The following SPDL1 variants were observed in gnomAD, a reference collection of about 807,000 sequenced individuals.
SPDL1 encodes the protein spindle apparatus coiled-coil protein 1, also known as protein Spindly.
Under a neutral mutation model 79.5 loss-of-function variants are expected in SPDL1, and 85 were observed. The ratio of observed to expected loss-of-function variants is 1.07; its 90% CI spans 0.90 to 1.28. The LOEUF is 1.28. SPDL1 is among the 50% of genes most tolerant of loss of function. The probability of loss-of-function intolerance (pLI) is 0.00; values close to 1 mark genes in which losing one functional copy is unlikely to be tolerated. For synonymous variants in SPDL1, 269 were observed against 240.3 expected (o/e 1.12, Z -1.10); for missense variants, 703 against 697.8 (o/e 1.01, Z -0.08).
chr5:169,583,924 GA>G (rs1432968377), intron 1 of SPDL1, 35 bp downstream of exon 1: 1 of 152,490 alleles, frequency 6.6e-6, no homozygotes, highest in Admixed American at 6.5e-5. Context: ...GGTGGGTGTG[GA>G]GAGCGGCAGT....
chr5:169,590,930 A>T, intron 2 of SPDL1, 118 bp from the exon 3 acceptor site: 4 of 909,592 alleles, frequency 4.4e-6, no homozygotes, highest in Non-Finnish European at 7.0e-6. Flanking sequence ...TGTCTTCGTT[A>T]TTTGGAAAGC....
At position 169,600,631 on chromosome 5, in the gene SPDL1, A is replaced by C. The variant is rs183383497; in HGVS notation, c.1325-649A>C. On this transcript the variant is annotated intron_variant, in intron 10 of 11. Coordinates refer to ENST00000265295, the MANE Select transcript of SPDL1 (RefSeq NM_017785.5). ...CAGTGGCTGTGTTTATGACCTGTTTAGATAGAATGATATTAGGCCATGAGG... is the reference window on the plus strand; with the variant it reads ...CAGTGGCTGTGTTTATGACCTGTTTCGATAGAATGATATTAGGCCATGAGG... 2.0e-3 allele frequency among the ~76,000 whole-genome samples: 302 copies of C among 152,336 alleles called. 4 individuals carry two copies. The highest frequency in any genetic ancestry group is 7.1e-3 in the African/African-American group (294 of 41,576).
In SPDL1 at chr5:169,604,329, ATTTT is replaced by A; in HGVS notation, c.*123_*126del. ...TTTACTCATTGTGCCAGGACCTGGC[ATTTT>A]CATGTGCCTTTGACCAAGTGTTCAG... On this transcript the variant is annotated 3_prime_UTR_variant, in exon 12 of 12. Coordinates refer to ENST00000265295, the MANE Select transcript of SPDL1 (RefSeq NM_017785.5). The A allele has an allele frequency of 3.0e-6, 3 of 1,004,062 alleles. No homozygotes were observed. The highest frequency in any genetic ancestry group is 2.7e-5 in the South Asian group (1 of 37,654). 62.2% of individuals were successfully genotyped at this position (1,004,062 alleles called of 1,614,324 possible). A position where few individuals can be genotyped will look rare whatever the true frequency, so the allele number is the denominator to read the frequency against.
chr5:169,603,280 T>C, intron 11 of SPDL1, among the ~76,000 whole-genome samples: 2 of 152,236 alleles, frequency 1.3e-5, no homozygotes, highest in Non-Finnish European at 2.9e-5. Context: ...GTGTTCTTGT[T>C]ACCGAGAATC....
At chr5:169,592,835 CAA>C (rs1397058906) in intron 3 of SPDL1, among the ~76,000 whole-genome samples, 60 of 118,232 alleles carry the variant, frequency 5.1e-4, no homozygotes, top group African/African-American at 1.9e-3. Context: ...TTTGGTGGAG[CAA>C]AGAGTACATT....
intron 1 of SPDL1, among the ~76,000 whole-genome samples, chr5:169,587,796 C>T (rs1185183143): frequency 6.6e-6 from 1 of 152,112 alleles, no homozygotes; most frequent in African/African-American, 2.4e-5. Context: ...ATGATCATAA[C>T]TCACTGAAGC....
chr5:169,601,864 A>T lies in SPDL1; in HGVS notation c.1670+239A>T, dbSNP rs776147543. ...TTAAAAAGTTACACGTTTCTGTTTCATGAAAGGGAATATCACAGTTTAACA... is the reference window on the plus strand; with the variant it reads ...TTAAAAAGTTACACGTTTCTGTTTCTTGAAAGGGAATATCACAGTTTAACA... On this transcript the variant is annotated intron_variant, in intron 11 of 11. Coordinates refer to ENST00000265295, the MANE Select transcript of SPDL1 (RefSeq NM_017785.5). 33 of 581,246 alleles carry T rather than the reference A, an allele frequency of 5.7e-5. 1 individual carries two copies. Among genetic ancestry groups the T allele is most frequent in the South Asian group, 5.7e-4 (30 of 53,010 alleles). 36.0% of individuals were successfully genotyped at this position (581,246 alleles called of 1,614,324 possible).
At chr5:169,591,369 A>T (rs1691755256) in intron 3 of SPDL1, 145 bp downstream of exon 3, 2 of 712,034 alleles carry the variant, frequency 2.8e-6, no homozygotes, top group African/African-American at 3.6e-5. Flanking sequence ...TGGGGGTGGG[A>T]ACACTGAGAT....
chr5:169,601,643 C>T lies in SPDL1; in HGVS notation c.1670+18C>T, dbSNP rs77348727. 2,426 of 1,608,436 alleles carry T rather than the reference C, an allele frequency of 1.5e-3. 25 individuals are homozygous for T. In the African/African-American group the frequency reaches 0.025, roughly 17 times the overall value. On this transcript the variant is annotated intron_variant, in intron 11 of 11. Transcript: ENST00000265295. ...TCTCCCAGGTCAGTGTCCTCTTTTC[C>T]TCCAGGCAGCCAGCAGACCTCTCCA... is the stretch of plus-strand genomic sequence containing the variant.
rs1182291963 is a variant in SPDL1, at chr5:169,596,582, C to T, written c.913C>T (p.Gln305Ter). The T allele has an allele frequency of 1.9e-6, 3 of 1,611,114 alleles. No homozygotes were observed. The highest frequency in any genetic ancestry group is 8.5e-7 in the Non-Finnish European group (1 of 1,178,996). ...CTAGTTACAAATTGCCACGTTGCTA[C>T]AGATGAAAGGGTCTCAAACTGAATT... is the stretch of plus-strand genomic sequence containing the variant. Reference protein sequence around the residue: ...RMKLQIATLLQMKGSQTEFEQ... With the variant: ...RMKLQIATLL Residue 305 changes from glutamine to a stop codon, truncating the protein, a stop_gained, in exon 8 of 12, where the codon CAG becomes TAG. Coordinates refer to ENST00000265295, the MANE Select transcript of SPDL1 (RefSeq NM_017785.5). LOFTEE classifies it high-confidence loss of function.
chr5:169,600,957 C>T (rs1581318418), intron 10 of SPDL1, among the ~76,000 whole-genome samples: 1 of 152,296 alleles, frequency 6.6e-6, no homozygotes, highest in African/African-American at 2.4e-5. Context: ...GACTCTGCCG[C>T]TGTCTCTTCA....
intron 9 of SPDL1, 120 bp from the exon 10 acceptor site, chr5:169,598,852 A>G (rs1277515968): frequency 7.5e-7 from 1 of 1,330,578 alleles, no homozygotes; most frequent in Non-Finnish European, 9.9e-7. Flanking sequence ...CTTTGTTACT[A>G]AAAACCCCAG....
intron 1 of SPDL1, among the ~76,000 whole-genome samples, chr5:169,585,102 C>A (rs974681774): frequency 6.6e-6 from 1 of 152,134 alleles, no homozygotes. Flanking sequence ...GGCTATCTCT[C>A]TTTGTAGATT....
rs752220237 is a variant in SPDL1 at position 169,601,563 on chromosome 5, A to G, written c.1608A>G (p.Ile536Met). ...AGGAAAAGAAATGTGTGAAACTCAT[A>G]GGAGTTCCCGCTGACGCTGAGGCCT... The part of the protein sequence containing the change: ...LKKEKKCVKL[I>M]GVPADAEALS... Residue 536 changes from isoleucine to methionine, a missense_variant, in exon 11 of 12, where the codon ATA becomes ATG. Physicochemically the swap from Ile to Met is conservative, Grantham distance 10. Coordinates refer to ENST00000265295, the MANE Select transcript of SPDL1 (RefSeq NM_017785.5). 3.1e-6 allele frequency: 5 copies of G among 1,614,242 alleles called. No homozygotes were observed. The highest frequency in any genetic ancestry group is 4.2e-6 in the Non-Finnish European group (5 of 1,180,042).
intron 10 of SPDL1, among the ~76,000 whole-genome samples, chr5:169,600,748 T>G (rs969844478): frequency 6.6e-6 from 1 of 152,178 alleles, no homozygotes; most frequent in Non-Finnish European, 1.5e-5. Flanking sequence ...TGCTTATATT[T>G]TGTAGGTAGA....
At chr5:169,587,160 C>G (rs1755028642) in intron 1 of SPDL1, 1 of 152,122 alleles carries the variant, frequency 6.6e-6, no homozygotes, top group Admixed American at 6.5e-5. Flanking sequence ...TATTAATATT[C>G]TGTTACTTAC....
rs1755756494 is a variant in SPDL1, at chr5:169,599,148, A to G, written c.1313A>G (p.Tyr438Cys). Reference sequence around the variant, plus strand: ...AAACTAGATGAATTGAAACTAAAATATGAACCTGAAGGTATATATGTCTCA... The same window carrying G: ...AAACTAGATGAATTGAAACTAAAATGTGAACCTGAAGGTATATATGTCTCA... ...RAKLDELKLK[Y>C]EPEETVEVPV... Residue 438 changes from tyrosine (Y) to cysteine (C), a missense_variant, in exon 10 of 12, where the codon TAT becomes TGT. Coordinates refer to ENST00000265295, the MANE Select transcript of SPDL1 (RefSeq NM_017785.5). 3 of 1,531,870 alleles carry G rather than the reference A, an allele frequency of 2.0e-6. No homozygotes were observed. Among genetic ancestry groups the G allele is most frequent in the Non-Finnish European group, 2.7e-6 (3 of 1,121,302 alleles). 94.9% of individuals were successfully genotyped at this position (1,531,870 alleles called of 1,614,324 possible). A position where few individuals can be genotyped will look rare whatever the true frequency, so the allele number is the denominator to read the frequency against.
chr5:169,598,486 A>G lies in SPDL1; in HGVS notation c.1043A>G (p.Asp348Gly). ...RNLEKFKNLY[D>G]SMESKPSVDS... is the part of the protein sequence containing the mutation. ...TTTTGCTTTTTTAAGAATTTATATG[A>G]CAGTATGGAATCTAAGCCTTCAGTC... is the stretch of plus-strand genomic sequence containing the variant. Residue 348 changes from aspartate (D) to glycine (G), a missense_variant, in exon 9 of 12, where the codon GAC becomes GGC. Coordinates refer to ENST00000265295, the MANE Select transcript of SPDL1 (RefSeq NM_017785.5). 1 of 1,610,002 alleles carries G rather than the reference A, an allele frequency of 6.2e-7. No individual in the cohort carries two copies. The highest frequency in any genetic ancestry group is 8.5e-7 in the Non-Finnish European group (1 of 1,176,622).
intron 1 of SPDL1, chr5:169,586,512 T>G (rs1346356406): frequency 1.3e-5 from 2 of 152,258 alleles, no homozygotes; most frequent in Admixed American, 6.5e-5. Flanking sequence ...AAGATTCCTC[T>G]TCTCATATAT....
Sources: allele counts gnomAD v4.1 joint callset (sites outside exome capture counted in the v4.1 genomes callset), GRCh38; gene constraint gnomAD v4.1.1; transcripts MANE v1.5; gene names NCBI Gene and HGNC (gene_info 2026-07-23, HGNC 2026-07-21).